The following DOCK8 variants were observed in gnomAD, a reference collection of about 807,000 sequenced individuals.
DOCK8 encodes the protein dedicator of cytokinesis protein 8.
A neutral mutation model predicts 245.6 loss-of-function variants in DOCK8; 141 were observed. The ratio of observed to expected loss-of-function variants is 0.57; its 90% CI spans 0.50 to 0.66. DOCK8 has a LOEUF of 0.66. DOCK8 is among the 30% of genes least tolerant of loss of function. DOCK8 has a pLI of 0.00. For missense variants in DOCK8, 2,965 were observed against 2,603.4 expected, an observed-to-expected ratio of 1.14 and a Z score of -3.02; for synonymous variants, 1,168 against 970.2, an observed-to-expected ratio of 1.20 and a Z score of -3.79.
intron 8 of DOCK8, among the ~76,000 whole-genome samples, chr9:326,722 G>A (rs897055195): frequency 2.6e-5 from 4 of 152,206 alleles, no homozygotes; most frequent in African/African-American, 7.2e-5. Flanking sequence ...TCCATCTTCA[G>A]TATGTTCTCT....
intron 21 of DOCK8, among the ~76,000 whole-genome samples, chr9:381,684 G>A (rs1046045462): frequency 6.6e-6 from 1 of 152,108 alleles, no homozygotes; most frequent in Non-Finnish European, 1.5e-5. Flanking sequence ...GGCTGGGTGC[G>A]GTGGTTCATG....
intron 39 of DOCK8, 31 bp downstream of exon 39, chr9:435,006 A>G (rs1231484173): frequency 1.9e-6 from 3 of 1,609,234 alleles, no homozygotes; most frequent in Non-Finnish European, 2.5e-6. Context: ...CCCTTAGAGC[A>G]GTGGTTCTCA....
rs186327090 is a variant in DOCK8, at chr9:342,127, C to T, written c.1679+1806C>T. On this transcript the variant is annotated intron_variant, in intron 14 of 47. Coordinates refer to ENST00000432829, the MANE Select transcript of DOCK8 (RefSeq NM_203447.4). ...TAAAGTGCACGATAAATGGAATGTG[C>T]TTGAGTCATCCCAAAACCATCCCCT... Among the ~76,000 whole-genome samples the T allele has an allele frequency of 3.3e-5, 5 of 152,090 alleles. No homozygotes were observed. The East Asian group carries it at 9.7e-4, about 29-fold the overall frequency.
intron 28 of DOCK8, among the ~76,000 whole-genome samples, chr9:414,467 G>C (rs772713198): frequency 6.6e-6 from 1 of 152,014 alleles, no homozygotes; most frequent in Non-Finnish European, 1.5e-5. Context: ...ATATTGCTTG[G>C]TTTTCCAGGG....
At chr9:295,984 A>C (rs1483022956) in intron 4 of DOCK8, among the ~76,000 whole-genome samples, 1 of 152,258 alleles carries the variant, frequency 6.6e-6, no homozygotes, top group African/African-American at 2.4e-5. Context: ...AATGTAAAAT[A>C]CATGATCTCC....
intron 6 of DOCK8, chr9:314,528 C>T (rs538213124): frequency 2.0e-5 from 3 of 152,168 alleles, no homozygotes; most frequent in African/African-American, 7.2e-5. Flanking sequence ...TCCATTGGGA[C>T]TGAATGTTAT....
intron 2 of DOCK8, among the ~76,000 whole-genome samples, chr9:274,114 T>C (rs1252136643): frequency 6.6e-6 from 1 of 152,208 alleles, no homozygotes; most frequent in Non-Finnish European, 1.5e-5. Context: ...ATTCGTTTGG[T>C]AAGTTTGCTG....
rs1165775428 is a variant in DOCK8, at chr9:307,338, G to GT, written c.528+2672dup. Among the ~76,000 whole-genome samples the GT allele has an allele frequency of 7.4e-4, 38 of 51,212 alleles. 2 individuals carry two copies. Among genetic ancestry groups the GT allele is most frequent in the African/African-American group, 1.9e-3 (32 of 17,294 alleles). The allele number at this position is 51,212 out of a possible 152,430, so 33.6% of individuals were successfully genotyped here. A position where few individuals can be genotyped will look rare whatever the true frequency, so the allele number is the denominator to read the frequency against. Reference sequence around the variant, plus strand: ...CACTGTGTTGTGTGTGGTTTTTTTTGTTTTTTTTTTTTTTTTTTTTTTTTT... The same window carrying GT: ...CACTGTGTTGTGTGTGGTTTTTTTTGTTTTTTTTTTTTTTTTTTTTTTTTTT... On this transcript the variant is annotated intron_variant, in intron 5 of 47. Transcript: ENST00000432829.
chr9:255,219 C>T (rs768660730), intron 1 of DOCK8, among the ~76,000 whole-genome samples: 17 of 152,122 alleles, frequency 1.1e-4, no homozygotes, highest in Non-Finnish European at 2.2e-4. Flanking sequence ...GGAGTCTAAA[C>T]AGAATGTCTT....
chr9:276,954 G>A (rs1049967520), intron 2 of DOCK8: 12 of 327,874 alleles, frequency 3.7e-5, no homozygotes, highest in African/African-American at 1.1e-4. Flanking sequence ...GACCACAGGC[G>A]CACCATTGCG....
intron 15 of DOCK8, 29 bp downstream of exon 15, chr9:368,164 A>T (rs141335439): frequency 6.3e-6 from 10 of 1,586,422 alleles, no homozygotes; most frequent in South Asian, 1.1e-5. Flanking sequence ...ATTTGCCTCA[A>T]ATCAGGGTGG....
At chr9:390,240 T>C (rs1372331298) in intron 23 of DOCK8, among the ~76,000 whole-genome samples, 7 of 152,170 alleles carry the variant, frequency 4.6e-5, no homozygotes, top group Non-Finnish European at 1.0e-4. Context: ...CTCAGATGTG[T>C]CTGTCCTGTG....
chr9:393,255 G>T (rs2054287722), intron 24 of DOCK8, among the ~76,000 whole-genome samples: 1 of 152,128 alleles, frequency 6.6e-6, no homozygotes, highest in Non-Finnish European at 1.5e-5. Context: ...TCCAAAGGAA[G>T]TTTGCATTCT....
intron 1 of DOCK8, among the ~76,000 whole-genome samples, chr9:237,362 G>A (rs188782843): frequency 1.3e-5 from 2 of 152,322 alleles, no homozygotes; most frequent in Admixed American, 1.3e-4. Context: ...AAATCTAATT[G>A]CAATTGCAAG....
In DOCK8 at chr9:400,040, C is replaced by CCAG. The variant is rs1198998202; in HGVS notation, c.3234+783_3234+784insGCA. On this transcript the variant is annotated intron_variant, in intron 26 of 47. Coordinates refer to ENST00000432829, the MANE Select transcript of DOCK8 (RefSeq NM_203447.4). ...ACCACCACCTCCACCATCACCACCA[C>CCAG]CACCTCCACCATCACCACCTCCTTC... Among the ~76,000 whole-genome samples the CCAG allele has an allele frequency of 1.6e-3, 144 of 91,146 alleles. 2 individuals carry two copies. Among genetic ancestry groups the CCAG allele is most frequent in the South Asian group, 0.012 (21 of 1,752 alleles). 59.8% of individuals were successfully genotyped at this position (91,146 alleles called of 152,430 possible).
Position 426,867 on chromosome 9 carries a change from C to G in DOCK8, c.4242-18C>G, listed in dbSNP as rs140679151. 1 of 1,610,720 alleles carries G rather than the reference C, an allele frequency of 6.2e-7. No homozygotes were observed. Among genetic ancestry groups the G allele is most frequent in the Non-Finnish European group, 8.5e-7 (1 of 1,177,136 alleles). ...AGGTTTGACATGCGCTTTAATTTGA[C>G]CTCTTGTTGTTTCCTAGAACAAAGG... On this transcript the variant is annotated intron_variant, in intron 33 of 47. Coordinates refer to ENST00000432829, the MANE Select transcript of DOCK8 (RefSeq NM_203447.4).
chr9:350,905 T>C (rs913710840), intron 14 of DOCK8, among the ~76,000 whole-genome samples: 3 of 152,166 alleles, frequency 2.0e-5, no homozygotes, highest in East Asian at 1.9e-4. Flanking sequence ...TTTGTAAACT[T>C]CCTGAGGGTG....
At chr9:403,257 A>G (rs1012799681) in intron 26 of DOCK8, among the ~76,000 whole-genome samples, 5 of 152,210 alleles carry the variant, frequency 3.3e-5, no homozygotes, top group African/African-American at 1.2e-4. Context: ...CCTTCTTTTA[A>G]GTGCCAATGT....
In DOCK8 at chr9:311,258, C is replaced by G. The variant is rs988594404; in HGVS notation, c.529-696C>G. Among the ~76,000 whole-genome samples, 5 of 150,448 alleles carry G rather than the reference C, an allele frequency of 3.3e-5. No individual in the cohort carries two copies. The East Asian group carries it at 9.8e-4, about 29-fold the overall frequency. ...TGAGATGGCGCCATTGCACTCAAGC[C>G]TAGGTGTCGCAGCAAGACTCGGTCT... On this transcript the variant is annotated intron_variant, in intron 5 of 47. Coordinates refer to ENST00000432829, the MANE Select transcript of DOCK8 (RefSeq NM_203447.4).
Sources: allele counts gnomAD v4.1 joint callset (sites outside exome capture counted in the v4.1 genomes callset), GRCh38; gene constraint gnomAD v4.1.1; transcripts MANE v1.5; gene names NCBI Gene and HGNC (gene_info 2026-07-23, HGNC 2026-07-21).